The following ARL5B variants were observed in gnomAD, a reference collection of about 807,000 sequenced individuals.
ARL5B encodes ADP-ribosylation factor-like protein 5B.
ARL5B carries 10 observed loss-of-function variants against 26.9 expected under a neutral mutation model. The ratio of observed to expected loss-of-function variants is 0.37; its 90% CI spans 0.23 to 0.63. The LOEUF is 0.63. Ranked by LOEUF, ARL5B falls within the 30% of genes least tolerant of loss-of-function variation. The probability of loss-of-function intolerance (pLI) is 0.62; values close to 1 mark genes in which losing one functional copy is unlikely to be tolerated. For missense variants in ARL5B, 167 were observed against 213.9 expected (o/e 0.78, Z 1.37); for synonymous variants, 87 against 70.4 (o/e 1.24, Z -1.18).
chr10:18,665,664 G>C (rs115541377), intron 1 of ARL5B, among the ~76,000 whole-genome samples: 1 of 152,122 alleles, frequency 6.6e-6, no homozygotes, highest in Non-Finnish European at 1.5e-5. Context: ...GTGCCCAATC[G>C]TTGCCTACAA....
At chr10:18,667,792 G>A (rs528808370) in intron 2 of ARL5B, among the ~76,000 whole-genome samples, 4 of 152,102 alleles carry the variant, frequency 2.6e-5, no homozygotes, top group African/African-American at 7.2e-5. Context: ...GTGCAATGGC[G>A]TGATCTCCAC....
chr10:18,671,805 A>G (rs747916411), intron 3 of ARL5B, among the ~76,000 whole-genome samples: 4 of 151,964 alleles, frequency 2.6e-5, no homozygotes, highest in Admixed American at 2.6e-4. Context: ...AGGTGGGACT[A>G]TGTGCATGGC....
chr10:18,666,838 T>C (rs577553688), intron 2 of ARL5B, among the ~76,000 whole-genome samples: 3 of 152,210 alleles, frequency 2.0e-5, no homozygotes, highest in Non-Finnish European at 4.4e-5. Flanking sequence ...ACTTATTGTT[T>C]TCTGCCCTCG....
chr10:18,674,186 A>G, intron 5 of ARL5B, 51 bp downstream of exon 5: 3 of 1,526,466 alleles, frequency 2.0e-6, no homozygotes, highest in Non-Finnish European at 2.6e-6. Context: ...ATTTCTTCCA[A>G]CTTTTTAGGC....
At position 18,680,149 on chromosome 10, in the gene ARL5B, A is replaced by AT. The variant is rs1450415458; in HGVS notation, c.*4935dup. The AT allele has an allele frequency of 7.9e-5, 12 of 152,012 alleles. No individual in the cohort carries two copies. The highest frequency in any genetic ancestry group is 2.9e-5 in the Non-Finnish European group (2 of 67,908). 9.4% of individuals were successfully genotyped at this position (152,012 alleles called of 1,614,324 possible). A position where few individuals can be genotyped will look rare whatever the true frequency, so the allele number is the denominator to read the frequency against. On this transcript the variant is annotated 3_prime_UTR_variant, in exon 6 of 6. Transcript: ENST00000377275. ...CAACTTGTAAAATTTTAATTAAAAAATTACCTCATTTTTCAATCCATAAGG... is the reference window on the plus strand; with the variant it reads ...CAACTTGTAAAATTTTAATTAAAAAATTTACCTCATTTTTCAATCCATAAGG...
In ARL5B at chr10:18,679,420, C is replaced by A. The variant is rs1478829668; in HGVS notation, c.*4204C>A. 2.6e-5 allele frequency: 4 copies of A among 151,856 alleles called. No individual in the cohort carries two copies. Among genetic ancestry groups the A allele is most frequent in the Non-Finnish European group, 5.9e-5 (4 of 67,804 alleles). The allele number at this position is 151,856 out of a possible 1,614,324, so 9.4% of individuals were successfully genotyped here. ...TAGTAGCCAGGTTGTCAGTCTTTTACAAATGTCTACATAAATGTCTACATA... is the reference window on the plus strand; with the variant it reads ...TAGTAGCCAGGTTGTCAGTCTTTTAAAAATGTCTACATAAATGTCTACATA... On this transcript the variant is annotated 3_prime_UTR_variant, in exon 6 of 6. Coordinates refer to ENST00000377275, the MANE Select transcript of ARL5B (RefSeq NM_178815.5).
chr10:18,663,162 C>G (rs954495882), intron 1 of ARL5B, among the ~76,000 whole-genome samples: 1 of 152,132 alleles, frequency 6.6e-6, no homozygotes, highest in East Asian at 1.9e-4. Flanking sequence ...GCACCTGCCA[C>G]CATGCCTGGC....
Position 18,660,536 on chromosome 10 carries a change from G to C in ARL5B, c.46+853G>C, listed in dbSNP as rs528934422. On this transcript the variant is annotated intron_variant, in intron 1 of 5. Transcript: ENST00000377275. ...ATTTTACATTTAAGAGCCGGGCATC[G>C]TTAATAAGCCAGTTTTATTTCCTTT... Among the ~76,000 whole-genome samples the C allele has an allele frequency of 6.8e-4, 104 of 152,246 alleles. 1 individual carries two copies. The South Asian group carries it at 0.021, about 31-fold the overall frequency.
At position 18,678,374 on chromosome 10, in the gene ARL5B, T is replaced by C. The variant is rs568833521; in HGVS notation, c.*3158T>C. The C allele has an allele frequency of 6.6e-6, 1 of 151,986 alleles. No homozygotes were observed. The highest frequency in any genetic ancestry group is 2.1e-4 in the South Asian group (1 of 4,830). 9.4% of individuals were successfully genotyped at this position (151,986 alleles called of 1,614,324 possible). ...ATTAAGCATAATTTAACTTTCATTA[T>C]AGCATAAAGAGAAAATAATTATTTT... On this transcript the variant is annotated 3_prime_UTR_variant, in exon 6 of 6. Coordinates refer to ENST00000377275, the MANE Select transcript of ARL5B (RefSeq NM_178815.5).
chr10:18,659,968 C>T (rs1054743257), intron 1 of ARL5B: 84 of 982,856 alleles, frequency 8.5e-5, no homozygotes, highest in South Asian at 1.4e-4. Context: ...CTAATGATGC[C>T]AGGAGGCGTA....
At chr10:18,668,769 C>G in intron 3 of ARL5B, 92 bp downstream of exon 3, 2 of 1,167,208 alleles carry the variant, frequency 1.7e-6, no homozygotes, top group Non-Finnish European at 2.3e-6. Context: ...TTGACAGTTG[C>G]CTTTTTTTTT....
In ARL5B at chr10:18,677,621, A is replaced by G. The variant is rs2059915902; in HGVS notation, c.*2405A>G. 6.6e-6 allele frequency: 1 copy of G among 152,470 alleles called. No individual in the cohort carries two copies. The highest frequency in any genetic ancestry group is 1.5e-5 in the Non-Finnish European group (1 of 67,796). The allele number at this position is 152,470 out of a possible 1,614,324, so 9.4% of individuals were successfully genotyped here. ...AGAGAATGTTTTAACCCAAGCAAGT[A>G]TCTAATACTAGAGCATTGGTTCTGA... is the stretch of plus-strand genomic sequence containing the variant. On this transcript the variant is annotated 3_prime_UTR_variant, in exon 6 of 6. Coordinates refer to ENST00000377275, the MANE Select transcript of ARL5B (RefSeq NM_178815.5).
chr10:18,678,508 A>T lies in ARL5B; in HGVS notation c.*3292A>T, dbSNP rs1365014227. ...AGAAGCTTTTTTAAAAAATCTTTTT[A>T]GTGTAGTTTCTTAGAACAAATTATA... On this transcript the variant is annotated 3_prime_UTR_variant, in exon 6 of 6. Coordinates refer to ENST00000377275, the MANE Select transcript of ARL5B (RefSeq NM_178815.5). 6.6e-6 allele frequency: 1 copy of T among 151,918 alleles called. No individual in the cohort carries two copies. Among genetic ancestry groups the T allele is most frequent in the African/African-American group, 2.4e-5 (1 of 41,442 alleles). The allele number at this position is 151,918 out of a possible 1,614,324, so 9.4% of individuals were successfully genotyped here. A position where few individuals can be genotyped will look rare whatever the true frequency, so the allele number is the denominator to read the frequency against.
chr10:18,659,996 C>G, intron 1 of ARL5B: 1 of 950,552 alleles, frequency 1.1e-6, no homozygotes, highest in Non-Finnish European at 1.3e-6. Context: ...CCTTTCTCGT[C>G]TTTATTGAAG....
At chr10:18,673,659 T>C (rs918713572) in intron 4 of ARL5B, among the ~76,000 whole-genome samples, 16 of 152,162 alleles carry the variant, frequency 1.1e-4, no homozygotes, top group African/African-American at 3.6e-4. Flanking sequence ...ACCAGTACTC[T>C]TAAGTTTTGG....
intron 1 of ARL5B, among the ~76,000 whole-genome samples, chr10:18,664,936 C>T (rs1301973858): frequency 1.3e-5 from 2 of 152,190 alleles, no homozygotes; most frequent in Non-Finnish European, 2.9e-5. Flanking sequence ...CCATCTGGTA[C>T]TGTCCTTCCA....
chr10:18,669,382 T>C (rs538431495), intron 3 of ARL5B, among the ~76,000 whole-genome samples: 2 of 152,246 alleles, frequency 1.3e-5, no homozygotes, highest in South Asian at 4.1e-4. Context: ...TTTATTAATT[T>C]AAAAATTTTT....
In ARL5B at chr10:18,679,892, A is replaced by G. The variant is rs1267190991; in HGVS notation, c.*4676A>G. ...AGGGTACTTAAAATTACTAAAAAAT[A>G]CTGTCTTTTTACCATACAGCTAGAT... is the stretch of plus-strand genomic sequence containing the variant. On this transcript the variant is annotated 3_prime_UTR_variant, in exon 6 of 6. Transcript: ENST00000377275. 2 of 151,956 alleles carry G rather than the reference A, an allele frequency of 1.3e-5. No homozygotes were observed. The highest frequency in any genetic ancestry group is 2.9e-5 in the Non-Finnish European group (2 of 67,866). The allele number at this position is 151,956 out of a possible 1,614,324, so 9.4% of individuals were successfully genotyped here.
intron 3 of ARL5B, among the ~76,000 whole-genome samples, chr10:18,671,025 TTAAG>T (rs914871804): frequency 2.0e-5 from 3 of 151,840 alleles, no homozygotes; most frequent in Admixed American, 1.3e-4. Flanking sequence ...GTTACAGGTA[TTAAG>T]TAATTATTGA....
Sources: allele counts gnomAD v4.1 joint callset (sites outside exome capture counted in the v4.1 genomes callset), GRCh38; gene constraint gnomAD v4.1.1; transcripts MANE v1.5; gene names NCBI Gene and HGNC (gene_info 2026-07-23, HGNC 2026-07-21).